Variants in ELMO1 observed in about 807,000 individuals in gnomAD.
ELMO1 encodes the protein engulfment and cell motility protein 1.
In ELMO1, 26 loss-of-function variants were observed where a neutral mutation model predicts 98.9. The observed-to-expected ratio is 0.26, with a 90% CI of 0.19 to 0.36. ELMO1 has a LOEUF of 0.36. ELMO1 is among the 10% of genes least tolerant of loss of function. The pLI is 1.00. For missense variants in ELMO1, 627 were observed against 935.2 expected, an observed-to-expected ratio of 0.67 and a Z score of 4.30; for synonymous variants, 346 against 346.0, an observed-to-expected ratio of 1.00 and a Z score of 0.00.
At chr7:37,435,927 C>T (rs1428247171) in intron 1 of ELMO1, among the ~76,000 whole-genome samples, 1 of 152,168 alleles carries the variant, frequency 6.6e-6, no homozygotes, top group African/African-American at 2.4e-5. Flanking sequence ...CCAAGTAGCT[C>T]AACTCAACAC....
At chr7:36,983,785 G>C (rs990062598) in intron 16 of ELMO1, among the ~76,000 whole-genome samples, 4 of 152,132 alleles carry the variant, frequency 2.6e-5, no homozygotes, top group Non-Finnish European at 5.9e-5. Context: ...GGTATGATAC[G>C]TTCTTGGCTA....
At chr7:37,154,642 C>T (rs554600639) in intron 13 of ELMO1, among the ~76,000 whole-genome samples, 1 of 152,262 alleles carries the variant, frequency 6.6e-6, no homozygotes, top group South Asian at 2.1e-4. Flanking sequence ...CTAACAAAGC[C>T]TCTAAGAAAT....
At chr7:37,415,131 A>G (rs905766124) in intron 1 of ELMO1, among the ~76,000 whole-genome samples, 2 of 152,166 alleles carry the variant, frequency 1.3e-5, no homozygotes, top group Non-Finnish European at 1.5e-5. Context: ...TATGCATACA[A>G]AGCCTGTTAA....
chr7:37,417,842 A>T (rs1003466907), intron 1 of ELMO1, among the ~76,000 whole-genome samples: 1 of 152,212 alleles, frequency 6.6e-6, no homozygotes, highest in Non-Finnish European at 1.5e-5. Context: ...ACTCTGTCTC[A>T]AAAACAAAAG....
intron 1 of ELMO1, among the ~76,000 whole-genome samples, chr7:37,406,602 T>C (rs1221686186): frequency 6.6e-6 from 1 of 151,884 alleles, no homozygotes; most frequent in South Asian, 2.1e-4. Flanking sequence ...GATAATTTTT[T>C]TGTATTTTTT....
At chr7:37,317,599 T>C (rs1421267471) in intron 2 of ELMO1, among the ~76,000 whole-genome samples, 1 of 152,234 alleles carries the variant, frequency 6.6e-6, no homozygotes, top group African/African-American at 2.4e-5. Flanking sequence ...TGTTCTCATT[T>C]ATTTGTGGGA....
intron 16 of ELMO1, among the ~76,000 whole-genome samples, chr7:36,990,581 C>G (rs919116775): frequency 6.6e-6 from 1 of 152,060 alleles, no homozygotes; most frequent in Non-Finnish European, 1.5e-5. Flanking sequence ...TTCGCTCACA[C>G]GTTCAACCTG....
intron 14 of ELMO1, among the ~76,000 whole-genome samples, chr7:37,099,195 C>T (rs911313940): frequency 1.3e-5 from 2 of 152,238 alleles, no homozygotes; most frequent in East Asian, 1.9e-4. Context: ...AAAATAAACC[C>T]GCCGCCTTCT....
chr7:37,179,715 A>G lies in ELMO1; in HGVS notation c.1086+31671T>C, dbSNP rs539589055. 4.6e-5 allele frequency among the ~76,000 whole-genome samples: 7 copies of G among 152,342 alleles called. No homozygotes were observed. In the South Asian group the frequency reaches 8.3e-4, roughly 18 times the overall value. ...TACATGGAAACAGTAGAAAGAAAGA[A>G]TCACTTCCTTGGATCTGCTGCTAAG... On this transcript the variant is annotated intron_variant, in intron 13 of 21. Coordinates refer to ENST00000310758, the MANE Select transcript of ELMO1 (RefSeq NM_014800.11).
intron 13 of ELMO1, among the ~76,000 whole-genome samples, chr7:37,147,832 G>GAAA (rs34146164): frequency 5.2e-5 from 7 of 133,366 alleles, no homozygotes; most frequent in African/African-American, 1.9e-4. Context: ...AGAAAAGTTG[G>GAAA]AAAAAAAAAA....
At chr7:37,072,117 GCAATTCAA>G (rs917504668) in intron 15 of ELMO1, among the ~76,000 whole-genome samples, 2 of 151,986 alleles carry the variant, frequency 1.3e-5, no homozygotes, top group Non-Finnish European at 2.9e-5. Flanking sequence ...TAGGCTTTCG[GCAATTCAA>G]AAAACAAAGA....
At chr7:37,069,385 T>C (rs1418083100) in intron 15 of ELMO1, among the ~76,000 whole-genome samples, 1 of 152,224 alleles carries the variant, frequency 6.6e-6, no homozygotes, top group Non-Finnish European at 1.5e-5. Context: ...ATTCTTGATC[T>C]GATAAAGTCA....
intron 15 of ELMO1, among the ~76,000 whole-genome samples, chr7:37,042,753 G>A (rs113108829): frequency 2.0e-5 from 3 of 152,190 alleles, no homozygotes; most frequent in African/African-American, 4.8e-5. Context: ...CCCTTGGCCT[G>A]GAATATTCAC....
At chr7:37,348,644 C>T (rs915635403) in intron 1 of ELMO1, among the ~76,000 whole-genome samples, 3 of 152,134 alleles carry the variant, frequency 2.0e-5, no homozygotes, top group South Asian at 2.1e-4. Context: ...CACTCTTCCA[C>T]TAAATGTCTC....
intron 15 of ELMO1, among the ~76,000 whole-genome samples, chr7:37,015,207 G>A (rs1317923421): frequency 2.0e-5 from 3 of 152,034 alleles, no homozygotes; most frequent in Non-Finnish European, 2.9e-5. Flanking sequence ...GGAAGAGTCC[G>A]GGGGTGGGGT....
chr7:37,375,468 A>C, intron 1 of ELMO1: 1 of 686,142 alleles, frequency 1.5e-6, no homozygotes, highest in Non-Finnish European at 2.6e-6. Flanking sequence ...GGTTCGAAGC[A>C]AGATGGAGTC....
chr7:36,868,756 A>T (rs1339567336), intron 20 of ELMO1, among the ~76,000 whole-genome samples: 2 of 152,076 alleles, frequency 1.3e-5, no homozygotes, highest in African/African-American at 4.8e-5. Flanking sequence ...CTCTATCTTT[A>T]TTTAGCACAC....
intron 16 of ELMO1, among the ~76,000 whole-genome samples, chr7:36,992,120 G>A (rs1791917276): frequency 6.6e-6 from 1 of 152,196 alleles, no homozygotes; most frequent in Admixed American, 6.5e-5. Flanking sequence ...TGCCTAACAT[G>A]TAAGTGATAC....
chr7:36,998,052 G>A (rs1792351947), intron 16 of ELMO1: 1 of 152,094 alleles, frequency 6.6e-6, no homozygotes, highest in Non-Finnish European at 1.5e-5. Context: ...GAACTTGAAA[G>A]AGGAACAGGG....
Sources: allele counts gnomAD v4.1 joint callset (sites outside exome capture counted in the v4.1 genomes callset), GRCh38; gene constraint gnomAD v4.1.1; transcripts MANE v1.5; gene names NCBI Gene and HGNC (gene_info 2026-07-23, HGNC 2026-07-21).